PTPRD: variants seen among roughly 807,000 people sequenced by gnomAD.
PTPRD encodes the protein protein tyrosine phosphatase receptor type D, also known as receptor-type tyrosine-protein phosphatase delta.
In PTPRD, 34 loss-of-function variants were observed where a neutral mutation model predicts 214.5. The ratio of observed to expected loss-of-function variants is 0.16; its 90% CI spans 0.12 to 0.21. PTPRD has a LOEUF of 0.21. PTPRD is among the 10% of genes least tolerant of loss of function. The pLI is 1.00. For missense variants in PTPRD, 2,545 were observed against 2,398.7 expected (o/e 1.06, Z -1.27); for synonymous variants, 1,128 against 845.7 (o/e 1.33, Z -5.79).
At chr9:9,364,207 T>A (rs2057188262) in intron 9 of PTPRD, among the ~76,000 whole-genome samples, 1 of 151,416 alleles carries the variant, frequency 6.6e-6, no homozygotes, top group South Asian at 2.1e-4. Context: ...TGGAATTAGC[T>A]GCCTAACACA....
At chr9:9,503,137 G>C (rs1160394096) in intron 8 of PTPRD, among the ~76,000 whole-genome samples, 1 of 151,794 alleles carries the variant, frequency 6.6e-6, no homozygotes, top group Admixed American at 6.6e-5. Context: ...TTGGTTGGTA[G>C]TTGTTTTAAA....
rs559554108 is a variant in PTPRD at position 9,241,743 on chromosome 9, C to T, written c.-202-58380G>A. On this transcript the variant is annotated intron_variant, in intron 9 of 45. Coordinates refer to ENST00000381196, the MANE Select transcript of PTPRD (RefSeq NM_002839.4). ...TATTCTGAGCCTATGTGTGTCTCTC[C>T]ATACGAGATGGGTTTCCTGAATACA... Among the ~76,000 whole-genome samples the T allele has an allele frequency of 2.6e-5, 4 of 151,592 alleles. No homozygotes were observed. In the East Asian group the frequency reaches 7.8e-4, roughly 30 times the overall value.
rs575930928 is a variant in PTPRD at position 8,372,884 on chromosome 9, C to T, written c.4661+3052G>A. 3.9e-5 allele frequency among the ~76,000 whole-genome samples: 6 copies of T among 152,070 alleles called. No homozygotes were observed. In the South Asian group the frequency reaches 1.2e-3, roughly 32 times the overall value. On this transcript the variant is annotated intron_variant, in intron 39 of 45. Transcript: ENST00000381196. ...CAGCCTGACCTTTTTTGGGCTACTA[C>T]CTGACTTCTTTGAAACCTCCTCCAT...
chr9:9,898,950 T>C (rs1257148557), intron 5 of PTPRD, among the ~76,000 whole-genome samples: 1 of 152,110 alleles, frequency 6.6e-6, no homozygotes, highest in Non-Finnish European at 1.5e-5. Context: ...AACAAAGCTG[T>C]CTTTATTCAT....
intron 36 of PTPRD, among the ~76,000 whole-genome samples, chr9:8,394,982 C>T (rs1564514057): frequency 6.6e-6 from 1 of 152,056 alleles, no homozygotes; most frequent in Non-Finnish European, 1.5e-5. Context: ...AAGGCAGAAT[C>T]CCACCGTGGC....
At chr9:9,387,760 C>T (rs542424049) in intron 9 of PTPRD, among the ~76,000 whole-genome samples, 12 of 152,268 alleles carry the variant, frequency 7.9e-5, no homozygotes, top group African/African-American at 2.6e-4. Context: ...CTTCAGCTCC[C>T]CACTGCTCAA....
intron 3 of PTPRD, among the ~76,000 whole-genome samples, chr9:10,156,507 T>G (rs2099094371): frequency 6.6e-6 from 1 of 152,192 alleles, no homozygotes; most frequent in Admixed American, 6.6e-5. Context: ...AAGAGAGTTG[T>G]TATGGGTTCA....
intron 3 of PTPRD, among the ~76,000 whole-genome samples, chr9:10,281,423 T>C (rs1005228525): frequency 6.7e-6 from 1 of 150,096 alleles, no homozygotes; most frequent in African/African-American, 2.5e-5. Context: ...ATTCTATTCA[T>C]GCTTTGCTTT....
At chr9:9,991,509 G>C (rs901891086) in intron 4 of PTPRD, among the ~76,000 whole-genome samples, 3 of 151,790 alleles carry the variant, frequency 2.0e-5, no homozygotes, top group Non-Finnish European at 4.4e-5. Flanking sequence ...TTACAGGCAT[G>C]AGCCACCACA....
chr9:8,898,315 G>A (rs2098637146), intron 11 of PTPRD, among the ~76,000 whole-genome samples: 3 of 151,928 alleles, frequency 2.0e-5, no homozygotes, highest in Non-Finnish European at 2.9e-5. Context: ...CCTATACTTG[G>A]AAGCAAAGAG....
chr9:9,648,798 A>G (rs1021345269), intron 7 of PTPRD, among the ~76,000 whole-genome samples: 1 of 152,158 alleles, frequency 6.6e-6, no homozygotes. Flanking sequence ...AAATTTGTAA[A>G]CTTTTCATTC....
intron 14 of PTPRD, among the ~76,000 whole-genome samples, chr9:8,621,388 TA>T (rs1005491387): frequency 5.3e-5 from 8 of 151,884 alleles, no homozygotes; most frequent in Non-Finnish European, 8.8e-5. Context: ...TTTTAATTTT[TA>T]AAAAAAATTT....
chr9:9,276,519 C>T (rs988714342), intron 9 of PTPRD, among the ~76,000 whole-genome samples: 8 of 151,230 alleles, frequency 5.3e-5, no homozygotes, highest in African/African-American at 1.9e-4. Context: ...ACCTCTAGAG[C>T]AGCATGCAGT....
At chr9:8,407,238 C>A (rs72691059) in intron 35 of PTPRD, among the ~76,000 whole-genome samples, 1 of 152,108 alleles carries the variant, frequency 6.6e-6, no homozygotes, top group Non-Finnish European at 1.5e-5. Context: ...TATAAAAATA[C>A]GTGCTAGGTC....
At position 10,537,705 on chromosome 9, in the gene PTPRD, T is replaced by TTATCCATCATATCCAAAAA. The variant is rs2058159154; in HGVS notation, c.-600+74692_-600+74693insTTTTTGGATATGATGGATA. 4.6e-5 allele frequency among the ~76,000 whole-genome samples: 7 copies of TTATCCATCATATCCAAAAA among 152,174 alleles called. No homozygotes were observed. The South Asian group carries it at 1.4e-3, about 32-fold the overall frequency. On this transcript the variant is annotated intron_variant, in intron 2 of 45. Coordinates refer to ENST00000381196, the MANE Select transcript of PTPRD (RefSeq NM_002839.4). ...AACACTCCTTCAGTGAGTTTCTGAT[T>TTATCCATCATATCCAAAAA]ATATCCATATTTATATTTATCATCA...
chr9:8,770,765 G>A lies in PTPRD; in HGVS notation c.-103-36819C>T, dbSNP rs563957140. ...CCAAAAAATGTTCATATATTAATGG[G>A]CAAAAACGTCAAATATTCAAACTCA... On this transcript the variant is annotated intron_variant, in intron 11 of 45. Coordinates refer to ENST00000381196, the MANE Select transcript of PTPRD (RefSeq NM_002839.4). Among the ~76,000 whole-genome samples the A allele has an allele frequency of 4.6e-5, 7 of 152,122 alleles. No homozygotes were observed. In the East Asian group the frequency reaches 1.4e-3, roughly 29 times the overall value.
intron 12 of PTPRD, among the ~76,000 whole-genome samples, chr9:8,691,328 A>G (rs2097795350): frequency 6.6e-6 from 1 of 152,016 alleles, no homozygotes; most frequent in Non-Finnish European, 1.5e-5. Flanking sequence ...CCTCCAAGGG[A>G]AACAATTTCT....
chr9:8,565,304 T>A (rs1278476513), intron 14 of PTPRD, among the ~76,000 whole-genome samples: 2 of 152,160 alleles, frequency 1.3e-5, no homozygotes, highest in East Asian at 1.9e-4. Flanking sequence ...AAATTTGACC[T>A]TTTTTTCCCT....
chr9:8,337,661 TAAAAA>T (rs758648301), intron 43 of PTPRD, among the ~76,000 whole-genome samples: 3 of 145,776 alleles, frequency 2.1e-5, no homozygotes, highest in East Asian at 2.0e-4. Flanking sequence ...AGGGAGACTT[TAAAAA>T]AAAAAAGGTG....
Sources: gnomAD v4.1 joint callset for allele counts (sites outside exome capture counted in the v4.1 genomes callset) on GRCh38, gnomAD v4.1.1 for gene constraint, MANE v1.5 for transcripts, NCBI Gene and HGNC (gene_info 2026-07-23, HGNC 2026-07-21) for gene names.